METTL15: variants seen among roughly 807,000 people sequenced by gnomAD.
The protein encoded by METTL15 is methyltransferase 15, mitochondrial 12S rRNA N4-cytidine.
A neutral mutation model predicts 38.3 loss-of-function variants in METTL15; 34 were observed. The observed-to-expected ratio is 0.89, with a 90% CI of 0.68 to 1.18. The LOEUF (loss-of-function observed/expected upper bound fraction) is 1.18, where lower values mean the gene tolerates loss of function less well. METTL15 is among the 50% of genes most tolerant of loss of function. The pLI, the probability that METTL15 is intolerant of heterozygous loss-of-function variation, is 0.00. For missense variants in METTL15, 438 were observed against 498.4 expected (o/e 0.88, Z 1.15); for synonymous variants, 162 against 170.9 (o/e 0.95, Z 0.41).
chr11:28,319,690 A>G (rs1423849234), intron 6 of METTL15, among the ~76,000 whole-genome samples: 1 of 152,186 alleles, frequency 6.6e-6, no homozygotes, highest in African/African-American at 2.4e-5. Flanking sequence ...GTATTTTCCC[A>G]AGTGTGTTAT....
intron 3 of METTL15, among the ~76,000 whole-genome samples, chr11:28,343,378 C>A (rs1200679997): frequency 6.6e-6 from 1 of 152,178 alleles, no homozygotes; most frequent in Non-Finnish European, 1.5e-5. Flanking sequence ...GTCACATTAA[C>A]CTGTTTAACT....
chr11:28,420,054 A>C (rs1213663131), intron 5 of METTL15, among the ~76,000 whole-genome samples: 1 of 152,300 alleles, frequency 6.6e-6, no homozygotes, highest in South Asian at 2.1e-4. Flanking sequence ...GATAAATCTA[A>C]GAGTTATTGG....
intron 6 of METTL15, among the ~76,000 whole-genome samples, chr11:28,505,332 A>G (rs1359665915): frequency 6.6e-6 from 1 of 152,222 alleles, no homozygotes; most frequent in Non-Finnish European, 1.5e-5. Context: ...AGCTGGTGGA[A>G]GTATCTCCAG....
intron 4 of METTL15, among the ~76,000 whole-genome samples, chr11:28,284,407 GGA>G (rs1211820112): frequency 6.6e-6 from 1 of 152,278 alleles, no homozygotes; most frequent in East Asian, 1.9e-4. Flanking sequence ...GCTGTAAGCA[GGA>G]TAATAACTAT....
chr11:28,520,245 G>A (rs1851754075), intron 6 of METTL15, among the ~76,000 whole-genome samples: 1 of 152,030 alleles, frequency 6.6e-6, no homozygotes, highest in Admixed American at 6.6e-5. Context: ...GTCTGAGGTG[G>A]GAGGATCACC....
intron 4 of METTL15, among the ~76,000 whole-genome samples, chr11:28,286,101 C>G (rs1000069978): frequency 1.9e-4 from 29 of 151,916 alleles, no homozygotes; most frequent in African/African-American, 6.5e-4. Context: ...GTTAACTCAC[C>G]TGATTGTGGG....
At chr11:28,414,360 T>C (rs1590366395) in intron 5 of METTL15, among the ~76,000 whole-genome samples, 2 of 151,988 alleles carry the variant, frequency 1.3e-5, no homozygotes, top group Non-Finnish European at 2.9e-5. Context: ...CTGTTCAATC[T>C]CCTGCCAGTG....
rs191651046 is a variant in METTL15 at position 28,485,040 on chromosome 11, C to T, written c.*425-41438C>T. Among the ~76,000 whole-genome samples the T allele has an allele frequency of 1.6e-3, 248 of 152,080 alleles. 1 individual carries two copies. The highest frequency in any genetic ancestry group is 5.6e-3 in the African/African-American group (233 of 41,474). Reference sequence around the variant, plus strand: ...CTTGAATTATTTTCAGATTCTCCCTCGCTATGATGCTAAGTTCCTGGTAAT... The same window carrying T: ...CTTGAATTATTTTCAGATTCTCCCTTGCTATGATGCTAAGTTCCTGGTAAT... On this transcript the variant is annotated intron_variant and NMD_transcript_variant, in intron 6 of 7. Transcript: ENST00000532947.
In METTL15 at chr11:28,418,166, A is replaced by T. The variant is rs538316730; in HGVS notation, c.*359-6133A>T. 3.9e-4 allele frequency among the ~76,000 whole-genome samples: 59 copies of T among 152,202 alleles called. No individual in the cohort carries two copies. In the South Asian group the frequency reaches 0.012, roughly 30 times the overall value. ...TGTCACTCTTTGATACTGCCAGTGTATGTCTCTCTGATGACCTGCTGCCTC... is the reference window on the plus strand; with the variant it reads ...TGTCACTCTTTGATACTGCCAGTGTTTGTCTCTCTGATGACCTGCTGCCTC... On this transcript the variant is annotated intron_variant and NMD_transcript_variant, in intron 5 of 7. Coordinates refer to the METTL15 transcript ENST00000532947.
At chr11:28,310,914 C>CTGCTGCTGCTGG (rs1296842131) in intron 6 of METTL15, among the ~76,000 whole-genome samples, 2 of 110,128 alleles carry the variant, frequency 1.8e-5, no homozygotes, top group Admixed American at 9.5e-5. Context: ...GCTGCTGCTG[C>CTGCTGCTGCTGG]TGGTGGTGGT....
intron 5 of METTL15, among the ~76,000 whole-genome samples, chr11:28,382,827 C>G (rs111809839): frequency 3.3e-5 from 5 of 150,362 alleles, no homozygotes; most frequent in African/African-American, 9.9e-5. Context: ...AAGAGTGAAA[C>G]TCCGTCTCAA....
At chr11:28,504,065 G>A (rs1385336327) in intron 6 of METTL15, among the ~76,000 whole-genome samples, 1 of 151,872 alleles carries the variant, frequency 6.6e-6, no homozygotes, top group African/African-American at 2.4e-5. Context: ...GGGCGTGGTG[G>A]CAGGCACCTG....
At chr11:28,122,163 G>T in intron 3 of METTL15, 1 of 1,236,758 alleles carries the variant, frequency 8.1e-7, no homozygotes, top group South Asian at 1.5e-5. Flanking sequence ...GAGGAGTGTG[G>T]GAATATGAAT....
chr11:28,308,643 C>CTATAATTT (rs1555031437), intron 6 of METTL15, among the ~76,000 whole-genome samples: 1 of 151,978 alleles, frequency 6.6e-6, no homozygotes, highest in Non-Finnish European at 1.5e-5. Flanking sequence ...TTATATGAGC[C>CTATAATTT]GGATGCACCC....
At chr11:28,457,607 T>G (rs1014162397) in intron 6 of METTL15, among the ~76,000 whole-genome samples, 34 of 152,162 alleles carry the variant, frequency 2.2e-4, no homozygotes, top group African/African-American at 8.2e-4. Flanking sequence ...ACATAAGGGC[T>G]CTGATTCCCC....
In METTL15 at chr11:28,524,855, C is replaced by A. The variant is rs548643942; in HGVS notation, c.*425-1623C>A. ...GGTCTCACTGACTTCAAGAATGAAG[C>A]CGCGGACCCTCGCAGTGAGTGTTAC... On this transcript the variant is annotated intron_variant and NMD_transcript_variant, in intron 6 of 7. Transcript: ENST00000532947. 2.0e-5 allele frequency among the ~76,000 whole-genome samples: 3 copies of A among 152,262 alleles called. No individual in the cohort carries two copies. The East Asian group carries it at 5.8e-4, about 29-fold the overall frequency.
At chr11:28,146,342 C>A (rs1234634209) in intron 3 of METTL15, among the ~76,000 whole-genome samples, 1 of 151,974 alleles carries the variant, frequency 6.6e-6, no homozygotes, top group African/African-American at 2.4e-5. Context: ...TCATAGGCAG[C>A]ATGAAGCCTC....
intron 5 of METTL15, among the ~76,000 whole-genome samples, chr11:28,423,487 A>G (rs912318729): frequency 1.3e-5 from 2 of 152,086 alleles, no homozygotes; most frequent in East Asian, 1.9e-4. Context: ...TAAAGAAAAT[A>G]TAGTATATTT....
At chr11:28,259,101 T>G (rs1471069722) in intron 4 of METTL15, among the ~76,000 whole-genome samples, 1 of 151,908 alleles carries the variant, frequency 6.6e-6, no homozygotes, top group Non-Finnish European at 1.5e-5. Context: ...GTATGATGAG[T>G]CCTGCCATGA....
Sources: gnomAD v4.1 joint callset for allele counts (sites outside exome capture counted in the v4.1 genomes callset) on GRCh38, gnomAD v4.1.1 for gene constraint, MANE v1.5 for transcripts, NCBI Gene and HGNC (gene_info 2026-07-23, HGNC 2026-07-21) for gene names.